The following PLXNC1 variants were observed in gnomAD, a reference collection of about 807,000 sequenced individuals.
PLXNC1 encodes plexin-C1.
PLXNC1 carries 75 observed loss-of-function variants against 178.2 expected under a neutral mutation model. That is an observed-to-expected ratio of 0.42 (90% CI 0.35 to 0.51). The LOEUF (loss-of-function observed/expected upper bound fraction) is 0.51, where lower values mean the gene tolerates loss of function less well. PLXNC1 is among the 20% of genes least tolerant of loss of function. The pLI, the probability that PLXNC1 is intolerant of heterozygous loss-of-function variation, is 0.02. For synonymous variants in PLXNC1, 790 were observed against 779.9 expected, an observed-to-expected ratio of 1.01 and a Z score of -0.22; for missense variants, 1,503 against 1,984.4, an observed-to-expected ratio of 0.76 and a Z score of 4.61.
chr12:94,210,231 G>C (rs1963427337), intron 5 of PLXNC1, among the ~76,000 whole-genome samples: 2 of 152,204 alleles, frequency 1.3e-5, no homozygotes, highest in South Asian at 4.1e-4. Flanking sequence ...TGCAAGTGAG[G>C]TCCTTTGGAA....
At position 94,196,133 on chromosome 12, in the gene PLXNC1, G is replaced by A. The variant is rs1418526624; in HGVS notation, c.1439+9660G>A. 2.6e-5 allele frequency among the ~76,000 whole-genome samples: 4 copies of A among 152,270 alleles called. No homozygotes were observed. In the Middle Eastern group the frequency reaches 0.01, roughly 388 times the overall value. On this transcript the variant is annotated intron_variant, in intron 4 of 30. Transcript: ENST00000258526. ...TAATTTATGGCCATATTCTTCAGTA[G>A]CCTGAGTTAGTCTGTTCTGTCATCA... is the stretch of plus-strand genomic sequence containing the variant.
At chr12:94,280,099 G>A in intron 22 of PLXNC1, 1 of 324,574 alleles carries the variant, frequency 3.1e-6, no homozygotes, top group Non-Finnish European at 6.0e-6. Context: ...TGCTAGAAAG[G>A]TCATCTTCCT....
intron 5 of PLXNC1, among the ~76,000 whole-genome samples, chr12:94,209,927 C>T (rs1963415932): frequency 6.6e-6 from 1 of 152,176 alleles, no homozygotes; most frequent in Admixed American, 6.5e-5. Context: ...CATGGGCCTG[C>T]TCTCATGGAG....
In PLXNC1 at chr12:94,275,854, C is replaced by CAA. The variant is rs34551603; in HGVS notation, c.3598-3592_3598-3591dup. On this transcript the variant is annotated intron_variant, in intron 21 of 30. Coordinates refer to ENST00000258526, the MANE Select transcript of PLXNC1 (RefSeq NM_005761.3). ...TGGGCGACAGAGCGAGACTCCGTCT[C>CAA]AAAAAAAAAAAAAAAAAAAAAAAAA... 3.0e-3 allele frequency among the ~76,000 whole-genome samples: 70 copies of CAA among 23,086 alleles called. 3 individuals carry two copies. The highest frequency in any genetic ancestry group is 9.0e-3 in the African/African-American group (30 of 3,346). 15.1% of individuals were successfully genotyped at this position (23,086 alleles called of 152,430 possible). A position where few individuals can be genotyped will look rare whatever the true frequency, so the allele number is the denominator to read the frequency against.
At chr12:94,269,109 C>T (rs1334186496) in intron 21 of PLXNC1, among the ~76,000 whole-genome samples, 1 of 152,144 alleles carries the variant, frequency 6.6e-6, no homozygotes. Context: ...TAACTCGTAG[C>T]AAGCGTGCTG....
At chr12:94,215,556 TGATAGATAGATAGATA>T (rs3032367) in intron 5 of PLXNC1, among the ~76,000 whole-genome samples, 2 of 149,222 alleles carry the variant, frequency 1.3e-5, no homozygotes, top group African/African-American at 4.9e-5. Context: ...CAAACATAGA[TGATAGATAGATAGATA>T]GATAGATAGA....
Position 94,305,868 on chromosome 12 carries a change from G to A in PLXNC1, c.*583G>A, listed in dbSNP as rs530984300. ...GTTTAAACCAAAAACTAACAGTGTT[G>A]CAACATTGTTGAAAGGGCTCGTGTT... On this transcript the variant is annotated 3_prime_UTR_variant, in exon 31 of 31. Transcript: ENST00000258526. 6.6e-6 allele frequency: 1 copy of A among 152,262 alleles called. No homozygotes were observed. The highest frequency in any genetic ancestry group is 2.1e-4 in the South Asian group (1 of 4,826). 9.4% of individuals were successfully genotyped at this position (152,262 alleles called of 1,614,324 possible). A position where few individuals can be genotyped will look rare whatever the true frequency, so the allele number is the denominator to read the frequency against.
Position 94,226,595 on chromosome 12 carries a change from G to A in PLXNC1, c.1791-10G>A, listed in dbSNP as rs369326646. The A allele has an allele frequency of 1.1e-4, 173 of 1,598,548 alleles. No homozygotes were observed. The highest frequency in any genetic ancestry group is 6.7e-5 in the Admixed American group (4 of 59,882). On this transcript the variant is annotated splice_polypyrimidine_tract_variant and intron_variant, in intron 7 of 30. Transcript: ENST00000258526. ...AACGCAGGAATTAAGTCAGTTTTCT[G>A]TGTTGCTAGATGCCCAGCATGCGTA... is the stretch of plus-strand genomic sequence containing the variant.
chr12:94,191,908 T>C lies in PLXNC1; in HGVS notation c.1439+5435T>C, dbSNP rs191857423. ...TGAATTTGTCTGTGTGGGTGGAAAG[T>C]GAATTTTTGCAGGCTGAATATCTTG... On this transcript the variant is annotated intron_variant, in intron 4 of 30. Coordinates refer to ENST00000258526, the MANE Select transcript of PLXNC1 (RefSeq NM_005761.3). 1.3e-3 allele frequency among the ~76,000 whole-genome samples: 201 copies of C among 152,292 alleles called. 2 individuals carry two copies. The highest frequency in any genetic ancestry group is 0.011 in the Admixed American group (168 of 15,282).
chr12:94,284,087 G>GGAAAA (rs1555208966), intron 23 of PLXNC1, among the ~76,000 whole-genome samples: 8 of 82,694 alleles, frequency 9.7e-5, no homozygotes, highest in Non-Finnish European at 1.5e-4. Flanking sequence ...CATGTCAGGG[G>GGAAAA]AAAAAAAAAA....
intron 21 of PLXNC1, among the ~76,000 whole-genome samples, chr12:94,272,840 G>C (rs1038838385): frequency 2.6e-5 from 4 of 152,218 alleles, no homozygotes; most frequent in Non-Finnish European, 4.4e-5. Context: ...GGTTCTGTGG[G>C]GTTCAATATC....
At chr12:94,162,693 T>C (rs1411456289) in intron 1 of PLXNC1, among the ~76,000 whole-genome samples, 1 of 151,974 alleles carries the variant, frequency 6.6e-6, no homozygotes, top group Non-Finnish European at 1.5e-5. Context: ...TCGACTGAGA[T>C]TTTTAATGTA....
At chr12:94,202,905 G>A (rs998549777) in intron 4 of PLXNC1, among the ~76,000 whole-genome samples, 7 of 152,202 alleles carry the variant, frequency 4.6e-5, no homozygotes, top group African/African-American at 1.4e-4. Flanking sequence ...TGAAAGGCAT[G>A]TAGACAGGAG....
Position 94,169,283 on chromosome 12 carries a change from A to AGTTACTTAAG in PLXNC1, c.1197_1203+3dup. ...TTATTCTTGGGGACTGGAGATGGCC[A>AGTTACTTAAG]GTTACTTAAGGTTGGTTTTCTGTGC... On this transcript the variant is annotated frameshift_variant, in exon 2 of 31. Transcript: ENST00000258526. LOFTEE classifies it high-confidence loss of function. 1 of 1,613,810 alleles carries AGTTACTTAAG rather than the reference A, an allele frequency of 6.2e-7. No homozygotes were observed. Among genetic ancestry groups the AGTTACTTAAG allele is most frequent in the Non-Finnish European group, 8.5e-7 (1 of 1,179,844 alleles).
intron 9 of PLXNC1, among the ~76,000 whole-genome samples, chr12:94,231,975 C>T (rs1964116054): frequency 6.6e-6 from 1 of 152,194 alleles, no homozygotes; most frequent in African/African-American, 2.4e-5. Context: ...TTATTACCCT[C>T]AATATGCTTA....
intron 6 of PLXNC1, 45 bp downstream of exon 6, chr12:94,220,208 A>G (rs1257636013): frequency 6.3e-7 from 1 of 1,586,660 alleles, no homozygotes; most frequent in Admixed American, 1.7e-5. Flanking sequence ...AATCAAAAAA[A>G]CAAGGGAACC....
rs1555195721 is a variant in PLXNC1 at position 94,177,526 on chromosome 12, G to GAGAAAGAAAGAAA, written c.1204-3920_1204-3919insAGAAAGAAAGAAA. 2.8e-4 allele frequency among the ~76,000 whole-genome samples: 37 copies of GAGAAAGAAAGAAA among 133,200 alleles called. No homozygotes were observed. In the South Asian group the frequency reaches 7.8e-3, roughly 28 times the overall value. The allele number at this position is 133,200 out of a possible 152,430, so 87.4% of individuals were successfully genotyped here. A position where few individuals can be genotyped will look rare whatever the true frequency, so the allele number is the denominator to read the frequency against. On this transcript the variant is annotated intron_variant, in intron 2 of 30. Transcript: ENST00000258526. ...AACAAAGAAAGAAAGAGAGAGAGAG[G>GAGAAAGAAAGAAA]GAGAAAGAAAGAAAGAGAGAGAAAG...
At chr12:94,212,489 C>CCT (rs1565812537) in intron 5 of PLXNC1, among the ~76,000 whole-genome samples, 2 of 139,556 alleles carry the variant, frequency 1.4e-5, no homozygotes, top group Non-Finnish European at 3.1e-5. Context: ...CCCCACCCCC[C>CCT]GGCAGGCCCC....
In PLXNC1 at chr12:94,260,337, C is replaced by T. The variant is rs1435282985; in HGVS notation, c.3252-305C>T. Among the ~76,000 whole-genome samples, 2 of 151,906 alleles carry T rather than the reference C, an allele frequency of 1.3e-5. No individual in the cohort carries two copies. The highest frequency in any genetic ancestry group is 2.1e-4 in the South Asian group (1 of 4,804). The stretch of plus-strand genomic sequence containing the variant: ...ACTCCTAAAGTGCTGGGATTATAGG[C>T]GTGAACCACCATGCCCGGCCCATAA... On this transcript the variant is annotated intron_variant, in intron 19 of 30. Coordinates refer to ENST00000258526, the MANE Select transcript of PLXNC1 (RefSeq NM_005761.3). This position sits in a 1 kb window ranked among gnomAD's most constrained non-coding sequence, Gnocchi z 4.4.
Sources: allele counts gnomAD v4.1 joint callset (sites outside exome capture counted in the v4.1 genomes callset), GRCh38; gene constraint gnomAD v4.1.1; non-coding constraint Gnocchi (gnomAD v3.1); transcripts MANE v1.5; gene names NCBI Gene and HGNC (gene_info 2026-07-23, HGNC 2026-07-21).